FRS2: variants seen among roughly 807,000 people sequenced by gnomAD.
The protein encoded by FRS2 is FGFR signalling adaptor.
In FRS2, 8 loss-of-function variants were observed where a neutral mutation model predicts 43.9. The ratio of observed to expected loss-of-function variants is 0.18; its 90% confidence interval spans 0.11 to 0.33. The LOEUF (loss-of-function observed/expected upper bound fraction) is 0.33, where lower values mean the gene tolerates loss of function less well. Among genes scored for constraint, FRS2 ranks in the 10% least tolerant of loss-of-function variants. FRS2 has a pLI of 1.00. For synonymous variants in FRS2, 219 were observed against 220.3 expected (o/e 0.99, Z 0.05); for missense variants, 534 against 627.6 (o/e 0.85, Z 1.59).
chr12:69,531,583 TGTG>T (rs1876799102), intron 2 of FRS2, among the ~76,000 whole-genome samples: 2 of 152,040 alleles, frequency 1.3e-5, no homozygotes, highest in South Asian at 4.1e-4. Context: ...AATTAGATGA[TGTG>T]GTCATGGTTA....
intron 1 of FRS2, among the ~76,000 whole-genome samples, chr12:69,517,090 T>C (rs1875129594): frequency 6.6e-6 from 1 of 152,172 alleles, no homozygotes; most frequent in South Asian, 2.1e-4. Flanking sequence ...TTATTCATCC[T>C]CCACAAGGGA....
Position 69,571,297 on chromosome 12 carries a change from C to G in FRS2, c.275C>G (p.Ala92Gly). Residue 92 changes from alanine (A) to glycine (G), a missense_variant, in exon 7 of 9, where the codon GCC becomes GGC. By Grantham distance (60) the Ala-to-Gly change is moderately conservative. Transcript: ENST00000549921. ...TGQGIFAFKCARAEELFNMLQ... is the reference protein window; with the variant it reads ...TGQGIFAFKCGRAEELFNMLQ... ...GTAGGAATCTTTGCCTTTAAGTGTG[C>G]CCGTGCAGAAGAATTATTTAACATG... is the stretch of plus-strand genomic sequence containing the variant. 2 of 1,605,608 alleles carry G rather than the reference C, an allele frequency of 1.2e-6. No individual in the cohort carries two copies. Among genetic ancestry groups the G allele is most frequent in the Non-Finnish European group, 1.7e-6 (2 of 1,175,818 alleles).
At chr12:69,545,851 TC>T (rs1221466832) in intron 3 of FRS2, among the ~76,000 whole-genome samples, 1 of 151,930 alleles carries the variant, frequency 6.6e-6, no homozygotes, top group African/African-American at 2.4e-5. Flanking sequence ...CCAAGACTAT[TC>T]AATGGGAAAG....
rs1004325712 is a variant in FRS2, at chr12:69,569,115, G to A, written c.66+19G>A. ...GTTTAAGGTCAGTAAAACTGGTTGAGTTATATATCTTACTGCCTAGTTGGG... is the reference window on the plus strand; with the variant it reads ...GTTTAAGGTCAGTAAAACTGGTTGAATTATATATCTTACTGCCTAGTTGGG... On this transcript the variant is annotated intron_variant, in intron 5 of 8. Transcript: ENST00000549921. 1 of 1,489,904 alleles carries A rather than the reference G, an allele frequency of 6.7e-7. No homozygotes were observed. The highest frequency in any genetic ancestry group is 9.3e-7 in the Non-Finnish European group (1 of 1,070,648). The allele number at this position is 1,489,904 out of a possible 1,614,324, so 92.3% of individuals were successfully genotyped here.
intron 3 of FRS2, among the ~76,000 whole-genome samples, chr12:69,536,142 G>T (rs79492457): frequency 0.72 from 28,239 of 39,212 alleles, 9,349 homozygotes; most frequent in East Asian, 0.89. Context: ...TTTTTTTTTT[G>T]GAGACGAAGT....
intron 1 of FRS2, among the ~76,000 whole-genome samples, chr12:69,482,206 C>T (rs1465432008): frequency 6.6e-6 from 1 of 152,128 alleles, no homozygotes; most frequent in Admixed American, 6.5e-5. Flanking sequence ...TAGAGTTGCA[C>T]ATAGCAAAGG....
At chr12:69,503,291 C>T (rs1484507999) in intron 1 of FRS2, among the ~76,000 whole-genome samples, 1 of 152,182 alleles carries the variant, frequency 6.6e-6, no homozygotes, top group African/African-American at 2.4e-5. Context: ...TCTAATCTCT[C>T]ACCGACCAGT....
At chr12:69,538,223 A>ATG (rs1194377826) in intron 3 of FRS2, among the ~76,000 whole-genome samples, 5 of 100,196 alleles carry the variant, frequency 5.0e-5, no homozygotes, top group African/African-American at 2.2e-4. Context: ...ATATATATAT[A>ATG]GCATTGCAGA....
chr12:69,557,622 G>GCGCA (rs1555192555), intron 3 of FRS2, among the ~76,000 whole-genome samples: 8 of 140,798 alleles, frequency 5.7e-5, no homozygotes, highest in African/African-American at 1.6e-4. Context: ...GTGTGTGTGC[G>GCGCA]CGCGCGCGCG....
Position 69,520,274 on chromosome 12 carries a change from G to A in FRS2, c.-260-10591G>A, listed in dbSNP as rs1875497075. On this transcript the variant is annotated intron_variant, in intron 1 of 8. Coordinates refer to ENST00000549921, the MANE Select transcript of FRS2 (RefSeq NM_001278356.2). ...GGGGTTGCTTTTCTCTTGAAAATAT[G>A]TTTAAGTTCCTTATAGATGCTGGAT... Among the ~76,000 whole-genome samples the A allele has an allele frequency of 2.0e-5, 3 of 150,874 alleles. No homozygotes were observed. The Admixed American group carries it at 2.0e-4, about 10-fold the overall frequency.
intron 3 of FRS2, among the ~76,000 whole-genome samples, chr12:69,532,916 T>C (rs1593003200): frequency 6.6e-6 from 1 of 152,238 alleles, no homozygotes. Context: ...ACATAGTTCC[T>C]TTCTCCAGTT....
At chr12:69,568,145 C>T (rs1020502373) in intron 4 of FRS2, among the ~76,000 whole-genome samples, 7 of 152,176 alleles carry the variant, frequency 4.6e-5, no homozygotes, top group Non-Finnish European at 7.4e-5. Flanking sequence ...TATATAACCA[C>T]TTACCTCTAA....
rs1320768992 is a variant in FRS2, at chr12:69,579,587, G to T, written c.*4632G>T. ...TTGGATTTTGCAATGCCTTACTGTT[G>T]TCATTCTAGCATAAATATCCATAAT... On this transcript the variant is annotated 3_prime_UTR_variant, in exon 9 of 9. Transcript: ENST00000549921. 1 of 152,268 alleles carries T rather than the reference G, an allele frequency of 6.6e-6. No homozygotes were observed. Among genetic ancestry groups the T allele is most frequent in the Admixed American group, 6.5e-5 (1 of 15,268 alleles). 9.4% of individuals were successfully genotyped at this position (152,268 alleles called of 1,614,324 possible).
Position 69,470,433 on chromosome 12 carries a change from C to T in FRS2, c.-358C>T, listed in dbSNP as rs943322110. On this transcript the variant is annotated 5_prime_UTR_variant, in exon 1 of 9. Transcript: ENST00000549921. The stretch of plus-strand genomic sequence containing the variant: ...GGCCTTGTAGGCACAGCGGCTGAGA[C>T]TCGATCTGCTCCAAGTAGGGGCTCC... 1.3e-5 allele frequency: 5 copies of T among 398,454 alleles called. No individual in the cohort carries two copies. Among genetic ancestry groups the T allele is most frequent in the African/African-American group, 4.1e-5 (2 of 48,638 alleles). 24.7% of individuals were successfully genotyped at this position (398,454 alleles called of 1,614,324 possible).
chr12:69,483,869 A>T (rs1263322997), intron 1 of FRS2, among the ~76,000 whole-genome samples: 1 of 152,150 alleles, frequency 6.6e-6, no homozygotes, highest in African/African-American at 2.4e-5. Context: ...TCAAAAGGAT[A>T]GTATTACTAG....
At chr12:69,520,004 G>C (rs1053352054) in intron 1 of FRS2, among the ~76,000 whole-genome samples, 46 of 152,188 alleles carry the variant, frequency 3.0e-4, no homozygotes, top group African/African-American at 1.0e-3. Flanking sequence ...CACAGTGGTT[G>C]AGCTAATTTA....
At chr12:69,558,110 T>A (rs1030737039) in intron 3 of FRS2, among the ~76,000 whole-genome samples, 5 of 152,014 alleles carry the variant, frequency 3.3e-5, no homozygotes, top group Admixed American at 2.6e-4. Context: ...CTGTGAGATA[T>A]GGGGTTAAAG....
intron 1 of FRS2, among the ~76,000 whole-genome samples, chr12:69,484,370 C>G (rs1031009902): frequency 1.4e-4 from 21 of 152,174 alleles, no homozygotes; most frequent in Admixed American, 9.8e-4. Context: ...AAGTCTGAGC[C>G]ACTGCACCCG....
chr12:69,516,548 C>T (rs1263104364), intron 1 of FRS2, among the ~76,000 whole-genome samples: 6 of 152,148 alleles, frequency 3.9e-5, no homozygotes, highest in African/African-American at 1.4e-4. Flanking sequence ...CCCTTCCACA[C>T]ACATGCTCTT....
Sources: gnomAD v4.1 joint callset for allele counts (sites outside exome capture counted in the v4.1 genomes callset) on GRCh38, gnomAD v4.1.1 for gene constraint, MANE v1.5 for transcripts, NCBI Gene and HGNC (gene_info 2026-07-23, HGNC 2026-07-21) for gene names.